Variants in SPPL2A observed in about 807,000 individuals in gnomAD.
SPPL2A encodes signal peptide peptidase-like 2A.
Under a neutral mutation model 63.8 loss-of-function variants are expected in SPPL2A, and 51 were observed. The ratio of observed to expected loss-of-function variants is 0.80; its 90% CI spans 0.64 to 1.01. SPPL2A has a LOEUF of 1.01. Among genes scored for constraint, SPPL2A ranks in the 50% least tolerant of loss-of-function variants. The probability of loss-of-function intolerance (pLI) is 0.00; values close to 1 mark genes in which losing one functional copy is unlikely to be tolerated. For missense variants in SPPL2A, 553 were observed against 622.7 expected (o/e 0.89, Z 1.19); for synonymous variants, 188 against 205.8 (o/e 0.91, Z 0.74).
At chr15:50,736,537 G>T in intron 7 of SPPL2A, 107 bp downstream of exon 7, 1 of 598,878 alleles carries the variant, frequency 1.7e-6, no homozygotes, top group South Asian at 2.7e-5. Context: ...AACACCTGTA[G>T]GTCCAATGTA....
chr15:50,734,087 T>A (rs1344903077), intron 8 of SPPL2A, among the ~76,000 whole-genome samples: 1 of 152,022 alleles, frequency 6.6e-6, no homozygotes, highest in African/African-American at 2.4e-5. Context: ...AGTATGGAAA[T>A]TCCTCAAAAA....
intron 9 of SPPL2A, among the ~76,000 whole-genome samples, chr15:50,731,263 T>C (rs2062729051): frequency 6.6e-6 from 1 of 152,182 alleles, no homozygotes; most frequent in South Asian, 2.1e-4. Flanking sequence ...AGAAATGTGC[T>C]GGGTTGGGCC....
At chr15:50,712,258 C>A (rs190075641) in intron 14 of SPPL2A, among the ~76,000 whole-genome samples, 1 of 152,146 alleles carries the variant, frequency 6.6e-6, no homozygotes, top group Non-Finnish European at 1.5e-5. Context: ...TAAAAAATTA[C>A]GGTGAAAGGT....
intron 9 of SPPL2A, among the ~76,000 whole-genome samples, chr15:50,732,297 C>T (rs1248098822): frequency 4.7e-5 from 7 of 148,004 alleles, no homozygotes. Context: ...AATAAAACTA[C>T]ACTTGAACCC....
At chr15:50,728,838 G>A (rs1385525823) in intron 10 of SPPL2A, among the ~76,000 whole-genome samples, 1 of 140,384 alleles carries the variant, frequency 7.1e-6, no homozygotes, top group African/African-American at 2.7e-5. Context: ...TTTTTGAGAT[G>A]GAGTCTCGCT....
chr15:50,726,499 C>G (rs776871931), intron 10 of SPPL2A, 122 bp from the exon 11 acceptor site: 21 of 864,108 alleles, frequency 2.4e-5, no homozygotes, highest in Middle Eastern at 2.3e-4. Flanking sequence ...GGGCTGCAGA[C>G]TGCTTTTTTC....
intron 14 of SPPL2A, among the ~76,000 whole-genome samples, chr15:50,717,968 G>GTTTTTTTT (rs57049574): frequency 1.6e-4 from 15 of 91,660 alleles, no homozygotes; most frequent in Non-Finnish European, 2.3e-4. Context: ...TGTAACTTTC[G>GTTTTTTTT]TTTTTTTTTT....
chr15:50,752,795 G>T lies in SPPL2A; in HGVS notation c.67-3049C>A, dbSNP rs79610173. ...TGTTTTTTTGACACAGGTATCCTAGGCTGACCTTGTCCTTTATCTGCTATA... is the reference window on the plus strand; with the variant it reads ...TGTTTTTTTGACACAGGTATCCTAGTCTGACCTTGTCCTTTATCTGCTATA... On this transcript the variant is annotated intron_variant, in intron 1 of 14. Coordinates refer to ENST00000261854, the MANE Select transcript of SPPL2A (RefSeq NM_032802.4). Among the ~76,000 whole-genome samples the T allele has an allele frequency of 2.9e-3, 438 of 151,598 alleles. 2 individuals are homozygous for T. The highest frequency in any genetic ancestry group is 0.01 in the African/African-American group (417 of 41,338).
chr15:50,727,664 C>A (rs1187428169), intron 10 of SPPL2A, among the ~76,000 whole-genome samples: 2 of 152,134 alleles, frequency 1.3e-5, no homozygotes, highest in Non-Finnish European at 2.9e-5. Context: ...CTTATGGTGA[C>A]CTGCCTTGCC....
chr15:50,737,137 C>T (rs1567159824), intron 6 of SPPL2A, among the ~76,000 whole-genome samples: 1 of 152,048 alleles, frequency 6.6e-6, no homozygotes, highest in Non-Finnish European at 1.5e-5. Context: ...GTCTCAAAGT[C>T]CCGACCTCAG....
rs752212735 is a variant in SPPL2A, at chr15:50,761,792, C to T, written c.66+3676G>A. 1.3e-3 allele frequency among the ~76,000 whole-genome samples: 202 copies of T among 151,532 alleles called. 1 individual carries two copies. The highest frequency in any genetic ancestry group is 2.5e-3 in the Non-Finnish European group (170 of 67,898). On this transcript the variant is annotated intron_variant, in intron 1 of 14. Transcript: ENST00000261854. ...TTCTTCTAAAATACAAAAAATTAGC[C>T]GGGCATCACGACGTGCACCTGTAAT...
chr15:50,742,946 T>C (rs1194081986), intron 5 of SPPL2A: 1 of 152,228 alleles, frequency 6.6e-6, no homozygotes, highest in Non-Finnish European at 1.5e-5. Flanking sequence ...GTGTGGTCCA[T>C]AGGCCAGCTA....
chr15:50,743,290 T>G (rs1406122812), intron 5 of SPPL2A: 1 of 152,010 alleles, frequency 6.6e-6, no homozygotes, highest in Non-Finnish European at 1.5e-5. Flanking sequence ...AAACACACAA[T>G]GCAAAATCTG....
chr15:50,730,808 A>T (rs2062724197), intron 10 of SPPL2A, among the ~76,000 whole-genome samples, 157 bp downstream of exon 10: 1 of 152,234 alleles, frequency 6.6e-6, no homozygotes, highest in Admixed American at 6.5e-5. Flanking sequence ...ATGGATTAAA[A>T]GCTTGAAAGT....
At chr15:50,747,075 A>G (rs1031618575) in intron 5 of SPPL2A, among the ~76,000 whole-genome samples, 7 of 152,208 alleles carry the variant, frequency 4.6e-5, no homozygotes, top group Admixed American at 6.5e-5. Flanking sequence ...GACATTACTA[A>G]CATCCTTAGA....
chr15:50,754,092 C>T (rs1178433046), intron 1 of SPPL2A, among the ~76,000 whole-genome samples: 2 of 152,148 alleles, frequency 1.3e-5, no homozygotes, highest in African/African-American at 2.4e-5. Context: ...CCACCATGCC[C>T]GGACTTCTTT....
At chr15:50,741,729 G>T (rs2062822107) in intron 5 of SPPL2A, among the ~76,000 whole-genome samples, 1 of 152,142 alleles carries the variant, frequency 6.6e-6, no homozygotes, top group Non-Finnish European at 1.5e-5. Flanking sequence ...AACTTTAGGA[G>T]GCTGAGGTGG....
chr15:50,708,355 T>C (rs62017259), intron 14 of SPPL2A, among the ~76,000 whole-genome samples: 4,351 of 152,236 alleles, frequency 0.029, 79 homozygotes, highest in Middle Eastern at 0.1. Flanking sequence ...GGAAACATTA[T>C]AATAATTTCT....
At chr15:50,757,104 A>T (rs2062964581) in intron 1 of SPPL2A, among the ~76,000 whole-genome samples, 2 of 56,092 alleles carry the variant, frequency 3.6e-5, no homozygotes, top group South Asian at 9.3e-4. Context: ...TTTTTTTGAG[A>T]CAGAGTCTCA....
Sources: allele counts gnomAD v4.1 joint callset (sites outside exome capture counted in the v4.1 genomes callset), GRCh38; gene constraint gnomAD v4.1.1; transcripts MANE v1.5; gene names NCBI Gene and HGNC (gene_info 2026-07-23, HGNC 2026-07-21).